KCTD1: variants seen among roughly 807,000 people sequenced by gnomAD.
KCTD1 encodes the protein potassium channel tetramerization domain containing 1, also known as BTB/POZ domain-containing protein KCTD1.
In KCTD1, 24 loss-of-function variants were observed where a neutral mutation model predicts 66.0. The ratio of observed to expected loss-of-function variants is 0.36; its 90% CI spans 0.26 to 0.51. The LOEUF (loss-of-function observed/expected upper bound fraction) is 0.51, where lower values mean the gene tolerates loss of function less well. KCTD1 is among the 20% of genes least tolerant of loss of function. The probability of loss-of-function intolerance (pLI) is 0.95; values close to 1 mark genes in which losing one functional copy is unlikely to be tolerated. For synonymous variants in KCTD1, 511 were observed against 517.2 expected (o/e 0.99, Z 0.16); for missense variants, 943 against 1,205.2 (o/e 0.78, Z 3.22).
chr18:26,471,611 C>T (rs1011823455), intron 3 of KCTD1, among the ~76,000 whole-genome samples: 5 of 151,964 alleles, frequency 3.3e-5, no homozygotes, highest in African/African-American at 1.2e-4. Context: ...CAAATGACTA[C>T]AGGAGGGATC....
At chr18:26,593,640 A>AGAG (rs1181307216) in intron 1 of KCTD1, among the ~76,000 whole-genome samples, 1 of 66,296 alleles carries the variant, frequency 1.5e-5, no homozygotes, top group African/African-American at 6.5e-5. Flanking sequence ...ATGAGGAGGA[A>AGAG]GAGAAGGAAG....
chr18:26,549,235 C>A, upstream of KCTD1: 1 of 986,504 alleles, frequency 1.0e-6, no homozygotes, highest in South Asian at 4.6e-5. Context: ...CGGCGGCTCC[C>A]CCACCTACTT....
rs1988131988 is a variant in KCTD1 at position 26,656,149 on chromosome 18, G to A, written c.9+1211C>T. ...CCGAGCGCTGGTTCAGACGGCGGAG[G>A]CCAGAGGCGGCCGGGAAACTGTCCC... is the stretch of plus-strand genomic sequence containing the variant. On this transcript the variant is annotated intron_variant, in intron 1 of 4. Transcript: ENST00000580191. 2.6e-5 allele frequency among the ~76,000 whole-genome samples: 4 copies of A among 152,316 alleles called. No individual in the cohort carries two copies. In the South Asian group the frequency reaches 8.3e-4, roughly 32 times the overall value.
At chr18:26,512,751 C>A (rs1371967660) in intron 1 of KCTD1, among the ~76,000 whole-genome samples, 4 of 152,124 alleles carry the variant, frequency 2.6e-5, no homozygotes, top group Non-Finnish European at 5.9e-5. Flanking sequence ...GAGGCCAAGG[C>A]AGGTGGATCA....
upstream of KCTD1, among the ~76,000 whole-genome samples, chr18:26,632,485 G>T (rs1254505860): frequency 6.6e-6 from 1 of 152,168 alleles, no homozygotes; most frequent in Non-Finnish European, 1.5e-5. Flanking sequence ...AAGAGTTAGT[G>T]AATGCAATAA....
intron 1 of KCTD1, among the ~76,000 whole-genome samples, chr18:26,530,913 G>A (rs1333358788): frequency 6.6e-6 from 1 of 152,202 alleles, no homozygotes; most frequent in Non-Finnish European, 1.5e-5. Context: ...TCAAGGCAAA[G>A]AGGGCAAAGA....
At chr18:26,495,765 T>C (rs561924240) in intron 2 of KCTD1, among the ~76,000 whole-genome samples, 14 of 152,284 alleles carry the variant, frequency 9.2e-5, no homozygotes, top group South Asian at 2.1e-4. Context: ...TGACAATCAG[T>C]GCTTTTATTT....
chr18:26,459,488 TCACCTAC>T, intron 4 of KCTD1, 125 bp downstream of exon 4: 1 of 816,894 alleles, frequency 1.2e-6, no homozygotes, highest in Non-Finnish European at 1.9e-6. Context: ...GGGTGATAAT[TCACCTAC>T]CCAACAGAAG....
rs117223105 is a variant in KCTD1 at position 26,613,453 on chromosome 18, C to G, written c.-16+15694G>C. 5.8e-4 allele frequency among the ~76,000 whole-genome samples: 88 copies of G among 152,314 alleles called. 3 individuals are homozygous for G. The East Asian group carries it at 0.015, about 25-fold the overall frequency. On this transcript the variant is annotated intron_variant, in intron 1 of 4. Coordinates refer to the KCTD1 transcript ENST00000317932. Reference sequence around the variant, plus strand: ...CTATCTGTCATTTTTGTCTGTCTCTCAGTTCTTTTCAAGGAAGGAGGTAAC... The same window carrying G: ...CTATCTGTCATTTTTGTCTGTCTCTGAGTTCTTTTCAAGGAAGGAGGTAAC...
At chr18:26,654,577 G>A (rs1203168863) in intron 1 of KCTD1, among the ~76,000 whole-genome samples, 1 of 152,136 alleles carries the variant, frequency 6.6e-6, no homozygotes, top group African/African-American at 2.4e-5. Flanking sequence ...TTTATATATT[G>A]TGCTTCAGGC....
chr18:26,574,184 A>G (rs1015517278), intron 1 of KCTD1, among the ~76,000 whole-genome samples: 24 of 152,362 alleles, frequency 1.6e-4, no homozygotes, highest in Admixed American at 1.2e-3. Flanking sequence ...GCTTTTTAAC[A>G]GTGCTGCCTA....
chr18:26,631,470 A>T (rs911301902), upstream of KCTD1, among the ~76,000 whole-genome samples: 1 of 138,314 alleles, frequency 7.2e-6, no homozygotes, highest in Admixed American at 7.0e-5. Context: ...ATCTAAACAT[A>T]GAAAAGGTAC....
intron 2 of KCTD1, among the ~76,000 whole-genome samples, chr18:26,488,251 T>C (rs1982016961): frequency 6.6e-6 from 1 of 152,142 alleles, no homozygotes; most frequent in Non-Finnish European, 1.5e-5. Context: ...TTCCAGTCCA[T>C]TTTCTCTGAA....
intron 1 of KCTD1, among the ~76,000 whole-genome samples, chr18:26,626,747 A>G (rs942945164): frequency 6.6e-6 from 1 of 152,118 alleles, no homozygotes; most frequent in African/African-American, 2.4e-5. Context: ...AGTGCTGGGA[A>G]TATAGACACG....
Position 26,476,866 on chromosome 18 carries a change from A to G in KCTD1, c.1989-207T>C. On this transcript the variant is annotated intron_variant, in intron 2 of 4. Coordinates refer to ENST00000580059, the MANE Select transcript of KCTD1 (RefSeq NM_001142730.3). This position sits in a 1 kb window ranked among gnomAD's most constrained non-coding sequence, Gnocchi z 4.9. ...AATAGTCCTAGGCTTTGTCAAATGA[A>G]TTCTTTTATTCACTGTCTTTCACCT... is the stretch of plus-strand genomic sequence containing the variant. 2.0e-6 allele frequency: 1 copy of G among 504,704 alleles called. No individual in the cohort carries two copies. Among genetic ancestry groups the G allele is most frequent in the Non-Finnish European group, 3.4e-6 (1 of 290,680 alleles). The allele number at this position is 504,704 out of a possible 1,614,324, so 31.3% of individuals were successfully genotyped here.
At chr18:26,626,617 G>A (rs548308067) in intron 1 of KCTD1, among the ~76,000 whole-genome samples, 20 of 152,082 alleles carry the variant, frequency 1.3e-4, no homozygotes, top group African/African-American at 4.8e-4. Flanking sequence ...GGGACCACAG[G>A]CACGGGCCAC....
chr18:26,499,127 C>T (rs553570045), intron 2 of KCTD1, among the ~76,000 whole-genome samples: 66 of 152,294 alleles, frequency 4.3e-4, no homozygotes, highest in Non-Finnish European at 2.2e-4. Context: ...GTTTAATTTA[C>T]AGAAACTGAA....
chr18:26,501,606 C>T (rs374997931), intron 1 of KCTD1, among the ~76,000 whole-genome samples: 35 of 152,312 alleles, frequency 2.3e-4, no homozygotes, highest in African/African-American at 7.9e-4. Flanking sequence ...CAATCAAACA[C>T]TTCAAACAAT....
intron 1 of KCTD1, among the ~76,000 whole-genome samples, chr18:26,588,326 A>AGGG: frequency 6.8e-5 from 10 of 147,102 alleles, no homozygotes; most frequent in Non-Finnish European, 1.2e-4. Context: ...AGGGAAGGGA[A>AGGG]AGGGAGGGGA....
Sources: gnomAD v4.1 joint callset for allele counts (sites outside exome capture counted in the v4.1 genomes callset) on GRCh38, gnomAD v4.1.1 for gene constraint, Gnocchi (gnomAD v3.1) non-coding constraint, MANE v1.5 for transcripts, NCBI Gene and HGNC (gene_info 2026-07-23, HGNC 2026-07-21) for gene names.